CCDC175: variants seen among roughly 807,000 people sequenced by gnomAD.
CCDC175 encodes the protein coiled-coil domain-containing protein 175.
Under a neutral mutation model 114.6 loss-of-function variants are expected in CCDC175, and 100 were observed. The ratio of observed to expected loss-of-function variants is 0.87; its 90% CI spans 0.74 to 1.03. CCDC175 has a LOEUF of 1.03. Among genes scored for constraint, CCDC175 ranks in the 50% least tolerant of loss-of-function variants. CCDC175 has a pLI of 0.00. For synonymous variants in CCDC175, 306 were observed against 308.7 expected, an observed-to-expected ratio of 0.99 and a Z score of 0.09; for missense variants, 880 against 917.8, an observed-to-expected ratio of 0.96 and a Z score of 0.53.
intron 11 of CCDC175, 27 bp downstream of exon 11, chr14:59,540,648 C>CA (rs1555344320): frequency 1.8e-6 from 2 of 1,101,148 alleles, no homozygotes; most frequent in East Asian, 3.4e-5. Context: ...CACAAATAAA[C>CA]TTTTTTTTTT....
Position 59,505,080 on chromosome 14 carries a change from T to A in CCDC175, c.*159A>T. 1 of 428,572 alleles carries A rather than the reference T, an allele frequency of 2.3e-6. No homozygotes were observed. Among genetic ancestry groups the A allele is most frequent in the South Asian group, 5.9e-5 (1 of 17,020 alleles). The allele number at this position is 428,572 out of a possible 1,614,324, so 26.5% of individuals were successfully genotyped here. A position where few individuals can be genotyped will look rare whatever the true frequency, so the allele number is the denominator to read the frequency against. ...TGACCATGTTTATCCATTTTTATTGTTTAGAAGTTTATTTACTGATACTTG... is the reference window on the plus strand; with the variant it reads ...TGACCATGTTTATCCATTTTTATTGATTAGAAGTTTATTTACTGATACTTG... On this transcript the variant is annotated 3_prime_UTR_variant, in exon 20 of 20. Transcript: ENST00000537690.
intron 17 of CCDC175, among the ~76,000 whole-genome samples, chr14:59,515,330 T>G (rs191116412): frequency 0.012 from 1,856 of 152,268 alleles, 35 homozygotes; most frequent in African/African-American, 0.042. Context: ...TAGCCTTAAA[T>G]GTAAATGGGC....
At chr14:59,564,153 C>T (rs556048992) in intron 5 of CCDC175, among the ~76,000 whole-genome samples, 20 of 152,214 alleles carry the variant, frequency 1.3e-4, no homozygotes, top group African/African-American at 4.6e-4. Flanking sequence ...GTAATTGCCA[C>T]GGTAGTGATT....
intron 13 of CCDC175, among the ~76,000 whole-genome samples, chr14:59,533,987 TAAAAAA>T (rs3084296): frequency 7.5e-6 from 1 of 133,606 alleles, no homozygotes; most frequent in African/African-American, 2.8e-5. Context: ...AGACCCCTTT[TAAAAAA>T]AAAAAAAAAA....
chr14:59,541,028 G>A (rs988350643), intron 10 of CCDC175, among the ~76,000 whole-genome samples: 1 of 152,218 alleles, frequency 6.6e-6, no homozygotes, highest in African/African-American at 2.4e-5. Flanking sequence ...ATGTTTCTCA[G>A]AGGGAGGAAT....
In CCDC175 at chr14:59,505,313, TCTCTG is replaced by T. The variant is rs780132973; in HGVS notation, c.2306-3_2307del. The T allele has an allele frequency of 8.9e-6, 13 of 1,458,764 alleles. No homozygotes were observed. The South Asian group carries it at 1.4e-4, about 16-fold the overall frequency. 90.4% of individuals were successfully genotyped at this position (1,458,764 alleles called of 1,614,324 possible). On this transcript the variant is annotated splice_acceptor_variant and splice_polypyrimidine_tract_variant and coding_sequence_variant and intron_variant, in exon 20 of 20. Coordinates refer to ENST00000537690, the MANE Select transcript of CCDC175 (RefSeq NM_001164399.2). LOFTEE classifies it high-confidence loss of function. Reference sequence around the variant, plus strand: ...ACCCTTGTACGAATGTGTTTCTTCTTCTCTGTAGGAATAAAAAATAAATATAAAAA... The same window carrying T: ...ACCCTTGTACGAATGTGTTTCTTCTTTAGGAATAAAAAATAAATATAAAAA...
At chr14:59,564,872 C>T (rs771720009) in intron 5 of CCDC175, among the ~76,000 whole-genome samples, 175 bp downstream of exon 5, 25 of 152,348 alleles carry the variant, frequency 1.6e-4, no homozygotes, top group Middle Eastern at 3.4e-3. Context: ...AATCAAATGT[C>T]TTCCCCAAGA....
Position 59,521,594 on chromosome 14 carries a change from C to T in CCDC175, c.2078G>A (p.Arg693Gln), listed in dbSNP as rs73305628. ...CTTACCCTCCTGAGCTATTAGTTGC[C>T]GAGACAAGTCGCTTGAGGTGTGCAT... ...ALMHTSSDLS[R>Q]QLIAQEAQYK... The change falls in exon 17 of 20, where the codon CGG becomes CAG. Residue 693 changes from arginine (R) to glutamine (Q), a missense_variant. Physicochemically the swap from Arg to Gln is conservative, Grantham distance 43. Transcript: ENST00000537690. The T allele has an allele frequency of 2.2e-3, 3,360 of 1,533,510 alleles. 47 individuals are homozygous for T. The African/African-American group carries it at 0.041, about 19-fold the overall frequency. 95.0% of individuals were successfully genotyped at this position (1,533,510 alleles called of 1,614,324 possible). A position where few individuals can be genotyped will look rare whatever the true frequency, so the allele number is the denominator to read the frequency against.
At chr14:59,567,446 A>G (rs1428571014) in intron 4 of CCDC175, among the ~76,000 whole-genome samples, 3 of 152,220 alleles carry the variant, frequency 2.0e-5, no homozygotes, top group Non-Finnish European at 4.4e-5. Flanking sequence ...ATTCCCAAGA[A>G]GACTTTTTTT....
chr14:59,555,922 C>A (rs1357495161), intron 7 of CCDC175, among the ~76,000 whole-genome samples: 2 of 152,084 alleles, frequency 1.3e-5, no homozygotes, highest in Non-Finnish European at 2.9e-5. Context: ...TGTGAAGGAC[C>A]TCTTCAAAGA....
At chr14:59,570,604 C>T (rs1417526371) in intron 3 of CCDC175, among the ~76,000 whole-genome samples, 1 of 152,110 alleles carries the variant, frequency 6.6e-6, no homozygotes, top group Non-Finnish European at 1.5e-5. Flanking sequence ...AGCTTTGGAG[C>T]TATGATGATG....
At chr14:59,508,565 C>CAAAAAAA (rs565175219) in intron 19 of CCDC175, among the ~76,000 whole-genome samples, 6 of 74,578 alleles carry the variant, frequency 8.0e-5, no homozygotes, top group Admixed American at 3.5e-4. Flanking sequence ...GGCCCTGTCT[C>CAAAAAAA]AAAAAAAAAA....
chr14:59,549,764 AG>A (rs1410542273), intron 8 of CCDC175, among the ~76,000 whole-genome samples: 1 of 151,850 alleles, frequency 6.6e-6, no homozygotes, highest in Non-Finnish European at 1.5e-5. Flanking sequence ...AAGAAAAGAA[AG>A]GAAATTAAGT....
At chr14:59,552,622 G>C (rs1448967245) in intron 7 of CCDC175, among the ~76,000 whole-genome samples, 2 of 152,166 alleles carry the variant, frequency 1.3e-5, no homozygotes, top group African/African-American at 4.8e-5. Context: ...GATGGAGAAT[G>C]ACTGACAAGT....
At chr14:59,570,580 G>T (rs1220314536) in intron 3 of CCDC175, among the ~76,000 whole-genome samples, 3 of 152,124 alleles carry the variant, frequency 2.0e-5, no homozygotes, top group African/African-American at 7.2e-5. Context: ...AGAGGAGGAG[G>T]TTAAACTGTG....
chr14:59,550,401 A>T (rs1335226915), intron 8 of CCDC175, among the ~76,000 whole-genome samples: 1 of 152,050 alleles, frequency 6.6e-6, no homozygotes, highest in African/African-American at 2.4e-5. Context: ...TTATCTACTT[A>T]TGATATGATT....
At position 59,572,725 on chromosome 14, in the gene CCDC175, T is replaced by G. The variant is rs1896907894; in HGVS notation, c.332A>C (p.Asn111Thr). Residue 111 changes from asparagine (N) to threonine (T), a missense_variant, in exon 3 of 20, where the codon AAT becomes ACT. Coordinates refer to ENST00000537690, the MANE Select transcript of CCDC175 (RefSeq NM_001164399.2). ...ACCTTCCAATTCCCTCTTAATGCTA[T>G]TGGGAAGAGTTTCCAATAGATAGTA... ...KLYYLLETLPNSIKRELEECV... is the reference protein window; with the variant it reads ...KLYYLLETLPTSIKRELEECV... 2.7e-6 allele frequency: 4 copies of G among 1,509,234 alleles called. No individual in the cohort carries two copies. In the African/African-American group the frequency reaches 4.2e-5, roughly 16 times the overall value. 93.5% of individuals were successfully genotyped at this position (1,509,234 alleles called of 1,614,324 possible). A position where few individuals can be genotyped will look rare whatever the true frequency, so the allele number is the denominator to read the frequency against.
Position 59,568,262 on chromosome 14 carries a change from T to C in CCDC175, c.474A>G (p.Lys158=). The change falls in exon 4 of 20, where the codon AAA becomes AAG. Residue 158 remains lysine, a synonymous_variant. Transcript: ENST00000537690. The part of the protein sequence containing the change: ...LLKKKITDLT[K]YNEALGEKQE... ...ATACCTACCCCAGAGCTTCATTATA[T>C]TTTGTCAGGTCAGTTATTTTCTTCT... is the stretch of plus-strand genomic sequence containing the variant. The C allele has an allele frequency of 6.5e-7, 1 of 1,530,860 alleles. No homozygotes were observed. The highest frequency in any genetic ancestry group is 1.7e-4 in the Middle Eastern group (1 of 5,974). 94.8% of individuals were successfully genotyped at this position (1,530,860 alleles called of 1,614,324 possible). A position where few individuals can be genotyped will look rare whatever the true frequency, so the allele number is the denominator to read the frequency against.
intron 13 of CCDC175, among the ~76,000 whole-genome samples, chr14:59,534,911 G>A (rs1304536895): frequency 6.6e-6 from 1 of 152,170 alleles, no homozygotes; most frequent in Non-Finnish European, 1.5e-5. Flanking sequence ...GACCCAAATG[G>A]TAGTGGGACT....
Sources: gnomAD v4.1 joint callset for allele counts (sites outside exome capture counted in the v4.1 genomes callset) on GRCh38, gnomAD v4.1.1 for gene constraint, MANE v1.5 for transcripts, NCBI Gene and HGNC (gene_info 2026-07-23, HGNC 2026-07-21) for gene names.